Variants in SEMA3B observed in about 807,000 individuals in gnomAD.
SEMA3B encodes semaphorin-3B.
A neutral mutation model predicts 77.8 loss-of-function variants in SEMA3B; 71 were observed. That is an observed-to-expected ratio of 0.91 (90% CI 0.75 to 1.11). The LOEUF is 1.11. Among genes scored for constraint, SEMA3B ranks in the 50% most tolerant of loss-of-function variants. The pLI is 0.00. For missense variants in SEMA3B, 968 were observed against 1,056.8 expected, an observed-to-expected ratio of 0.92 and a Z score of 1.17; for synonymous variants, 470 against 452.9, an observed-to-expected ratio of 1.04 and a Z score of -0.48.
chr3:50,274,283 C>A lies in SEMA3B; in HGVS notation c.1138-80C>A. 1 of 1,264,974 alleles carries A rather than the reference C, an allele frequency of 7.9e-7. No homozygotes were observed. Among genetic ancestry groups the A allele is most frequent in the Non-Finnish European group, 1.1e-6 (1 of 916,516 alleles). 78.4% of individuals were successfully genotyped at this position (1,264,974 alleles called of 1,614,324 possible). On this transcript the variant is annotated intron_variant, in intron 10 of 16. Transcript: ENST00000616701. This position sits in a 1 kb window ranked among gnomAD's most constrained non-coding sequence, Gnocchi z 4.7. ...TCTGTCCCCATCCCCCTCCATGTTC[C>A]CAGAGGCTGGGCATGGAGGGCTGCC...
chr3:50,270,579 C>T lies in SEMA3B; in HGVS notation c.330+84C>T. 6.3e-7 allele frequency: 1 copy of T among 1,577,580 alleles called. No homozygotes were observed. The highest frequency in any genetic ancestry group is 1.1e-5 in the South Asian group (1 of 89,940). ...GGGCAGGGCTAAAACAGAGGCCTGCCTGTTCTGGCTGGGATGAGGGCAGGG... is the reference window on the plus strand; with the variant it reads ...GGGCAGGGCTAAAACAGAGGCCTGCTTGTTCTGGCTGGGATGAGGGCAGGG... On this transcript the variant is annotated intron_variant, in intron 3 of 16. Coordinates refer to ENST00000616701, the MANE Select transcript of SEMA3B (RefSeq NM_001290060.2). The surrounding 1 kb of genome is among the most constrained non-coding windows in gnomAD (Gnocchi z 4.7).
rs782090546 is a variant in SEMA3B at position 50,270,220 on chromosome 3, T to G, written c.203T>G (p.Phe68Cys). The change falls in exon 2 of 17, where the codon TTT (phenylalanine) becomes TGT (cysteine). Residue 68 changes from phenylalanine to cysteine, a missense_variant. Phe to Cys is a radical substitution (Grantham distance 205, BLOSUM62 -2). Transcript: ENST00000616701. The surrounding 1 kb of genome is among the most constrained non-coding windows in gnomAD (Gnocchi z 4.7). Reference sequence around the variant, plus strand: ...GTGGATGAGGAGCGTGGACGCCTGTTTGTGGGTGCCGAGAACCATGTGGCC... The same window carrying G: ...GTGGATGAGGAGCGTGGACGCCTGTGTGTGGGTGCCGAGAACCATGTGGCC... ...LLVDEERGRLFVGAENHVASL... is the reference protein window; with the variant it reads ...LLVDEERGRLCVGAENHVASL... 6.2e-7 allele frequency: 1 copy of G among 1,611,692 alleles called. No homozygotes were observed. The highest frequency in any genetic ancestry group is 8.5e-7 in the Non-Finnish European group (1 of 1,179,244).
At position 50,274,903 on chromosome 3, in the gene SEMA3B, GGCTGCTCCTGGAGGA is replaced by G. The variant is rs782054411; in HGVS notation, c.1424_1438del (p.Leu475_Leu479del). 2.5e-6 allele frequency: 4 copies of G among 1,610,742 alleles called. No individual in the cohort carries two copies. The highest frequency in any genetic ancestry group is 4.4e-4 in the Middle Eastern group (2 of 4,504). On this transcript the variant is annotated inframe_deletion, in exon 12 of 17. Coordinates refer to ENST00000616701, the MANE Select transcript of SEMA3B (RefSeq NM_001290060.2). This position sits in a 1 kb window ranked among gnomAD's most constrained non-coding sequence, Gnocchi z 4.7. ...AAGGGCAGTAGGCCCAGCGCAGAGG[GGCTGCTCCTGGAGGA>G]GCTGCACGTGTTTGAGGTGAGGCCT...
rs67628566 is a variant in SEMA3B at position 50,276,091 on chromosome 3, CA to C, written c.1846-210del. 1.3e-3 allele frequency: 993 copies of C among 779,860 alleles called. 6 individuals carry two copies. The highest frequency in any genetic ancestry group is 9.6e-3 in the African/African-American group (541 of 56,278). The allele number at this position is 779,860 out of a possible 1,614,324, so 48.3% of individuals were successfully genotyped here. On this transcript the variant is annotated intron_variant, in intron 16 of 16. Coordinates refer to ENST00000616701, the MANE Select transcript of SEMA3B (RefSeq NM_001290060.2). The surrounding 1 kb of genome is among the most constrained non-coding windows in gnomAD (Gnocchi z 5.8). The stretch of plus-strand genomic sequence containing the variant: ...CCCATTAAGGTCCCTGACCACCCCC[CA>C]CCAAGTTCATGTAAACCCCGCCTCT...
chr3:50,270,898 C>T lies in SEMA3B; in HGVS notation c.339C>T (p.Cys113=). The T allele has an allele frequency of 6.2e-7, 1 of 1,605,428 alleles. No individual in the cohort carries two copies. The highest frequency in any genetic ancestry group is 1.7e-4 in the Middle Eastern group (1 of 6,058). The part of the protein sequence containing the change: ...NWAGKDIGTE[C]MNFVKLLHAY... ...ACCTCCAACCCTACTAGACTGAGTG[C>T]ATGAACTTCGTGAAGTTGCTGCATG... is the stretch of plus-strand genomic sequence containing the variant. Residue 113 remains cysteine, a synonymous_variant, in exon 4 of 17, where the codon TGC becomes TGT. Coordinates refer to ENST00000616701, the MANE Select transcript of SEMA3B (RefSeq NM_001290060.2). This position sits in a 1 kb window ranked among gnomAD's most constrained non-coding sequence, Gnocchi z 4.7.
In SEMA3B at chr3:50,275,180, G is replaced by A. The variant is rs1248859318; in HGVS notation, c.1492-122G>A. On this transcript the variant is annotated intron_variant, in intron 13 of 16. Coordinates refer to ENST00000616701, the MANE Select transcript of SEMA3B (RefSeq NM_001290060.2). This position sits in a 1 kb window ranked among gnomAD's most constrained non-coding sequence, Gnocchi z 7.5. The stretch of plus-strand genomic sequence containing the variant: ...GTACAGGCTCTGGCTTTGTTAGACT[G>A]TGTGACCTGAGGCGTAAGACCTCAG... The A allele has an allele frequency of 2.3e-5, 34 of 1,460,212 alleles. No homozygotes were observed. Among genetic ancestry groups the A allele is most frequent in the Non-Finnish European group, 3.1e-5 (34 of 1,099,770 alleles). 90.5% of individuals were successfully genotyped at this position (1,460,212 alleles called of 1,614,324 possible). A position where few individuals can be genotyped will look rare whatever the true frequency, so the allele number is the denominator to read the frequency against.
In SEMA3B at chr3:50,273,708, C is replaced by A; in HGVS notation, c.923-51C>A. ...GCAGCGGCGCAGACTCCGGGAGCCC[C>A]CGCCGCAGCGGGGCTGTGCGCCCTA... On this transcript the variant is annotated intron_variant, in intron 8 of 16. Transcript: ENST00000616701. This position sits in a 1 kb window ranked among gnomAD's most constrained non-coding sequence, Gnocchi z 6.5. 6.2e-7 allele frequency: 1 copy of A among 1,602,978 alleles called. No individual in the cohort carries two copies. The highest frequency in any genetic ancestry group is 8.5e-7 in the Non-Finnish European group (1 of 1,178,074).
chr3:50,269,028 G>A (rs587686951), upstream of SEMA3B: 4 of 584,102 alleles, frequency 6.8e-6, no homozygotes, highest in East Asian at 8.8e-5. The surrounding 1 kb of genome is among the most constrained non-coding windows in gnomAD (Gnocchi z 4.0). Context: ...GCCAGGCGGG[G>A]CACCCTCGGA....
upstream of SEMA3B, chr3:50,262,598 A>G (rs1258189443): frequency 6.6e-6 from 1 of 152,272 alleles, no homozygotes; most frequent in Non-Finnish European, 1.5e-5. Flanking sequence ...GCCCTCAGTC[A>G]CACGGTGATG....
Position 50,274,651 on chromosome 3 carries a change from C to T in SEMA3B, c.1357+69C>T. ...CTGTGGGCTGCTGATGGAAGCTCTC[C>T]CTGTTCAGTCCCATCTCCACATCCT... On this transcript the variant is annotated intron_variant, in intron 11 of 16. Transcript: ENST00000616701. This position sits in a 1 kb window ranked among gnomAD's most constrained non-coding sequence, Gnocchi z 4.7. 3 of 1,484,320 alleles carry T rather than the reference C, an allele frequency of 2.0e-6. No individual in the cohort carries two copies. The highest frequency in any genetic ancestry group is 1.8e-6 in the Non-Finnish European group (2 of 1,098,750). 91.9% of individuals were successfully genotyped at this position (1,484,320 alleles called of 1,614,324 possible). A position where few individuals can be genotyped will look rare whatever the true frequency, so the allele number is the denominator to read the frequency against.
intron 6 of SEMA3B, among the ~76,000 whole-genome samples, chr3:50,272,855 A>AATAATAATAATAAT (rs375252497): frequency 3.4e-5 from 5 of 145,576 alleles, no homozygotes; most frequent in African/African-American, 5.1e-5. Context: ...ATAAATAAAC[A>AATAATAATAATAAT]AATAATAATA....
Position 50,273,362 on chromosome 3 carries a change from C to T in SEMA3B, c.729C>T (p.Tyr243=). The change falls in exon 7 of 17, where the codon TAC becomes TAT. Residue 243 remains tyrosine, a synonymous_variant. Coordinates refer to ENST00000616701, the MANE Select transcript of SEMA3B (RefSeq NM_001290060.2). This position sits in a 1 kb window ranked among gnomAD's most constrained non-coding sequence, Gnocchi z 6.5. ...AGAACCCAGACGACGACAAAATCTA[C>T]TTCTTCTTTCGTGAGACGGCGGTAG... The part of the protein sequence containing the change: ...ESENPDDDKI[Y]FFFRETAVEA... 6.2e-7 allele frequency: 1 copy of T among 1,613,902 alleles called. No homozygotes were observed. The highest frequency in any genetic ancestry group is 8.5e-7 in the Non-Finnish European group (1 of 1,179,824).
In SEMA3B at chr3:50,274,062, G is replaced by T. The variant is rs782111181; in HGVS notation, c.1137+5G>T. 2 of 1,612,734 alleles carry T rather than the reference G, an allele frequency of 1.2e-6. No individual in the cohort carries two copies. The highest frequency in any genetic ancestry group is 1.7e-6 in the Non-Finnish European group (2 of 1,179,520). Reference sequence around the variant, plus strand: ...CCCTACCCGCGGCCAGGCATGGTTCGTAGCCCAGGGACTTCTGCTACAACC... The same window carrying T: ...CCCTACCCGCGGCCAGGCATGGTTCTTAGCCCAGGGACTTCTGCTACAACC... On this transcript the variant is annotated splice_donor_5th_base_variant and intron_variant, in intron 10 of 16. Coordinates refer to ENST00000616701, the MANE Select transcript of SEMA3B (RefSeq NM_001290060.2). The surrounding 1 kb of genome is among the most constrained non-coding windows in gnomAD (Gnocchi z 4.7).
In SEMA3B at chr3:50,270,423, C is replaced by T. The variant is rs587754513; in HGVS notation, c.268-10C>T. The stretch of plus-strand genomic sequence containing the variant: ...TGACCTGTGTCCCCTCTCCCCCAAC[C>T]TCCCGATAGCTGGCCTGGCCGGCCC... On this transcript the variant is annotated splice_polypyrimidine_tract_variant and intron_variant, in intron 2 of 16. Coordinates refer to ENST00000616701, the MANE Select transcript of SEMA3B (RefSeq NM_001290060.2). The surrounding 1 kb of genome is among the most constrained non-coding windows in gnomAD (Gnocchi z 4.7). The T allele has an allele frequency of 9.3e-6, 15 of 1,613,778 alleles. No homozygotes were observed. In the African/African-American group the frequency reaches 1.9e-4, roughly 20 times the overall value.
chr3:50,274,530 G>C lies in SEMA3B; in HGVS notation c.1305G>C (p.Ala435=), dbSNP rs782139599. The C allele has an allele frequency of 1.9e-6, 3 of 1,569,864 alleles. No individual in the cohort carries two copies. The highest frequency in any genetic ancestry group is 3.8e-5 in the Admixed American group (2 of 53,014). Reference sequence around the variant, plus strand: ...ATTACACCTTCACTCAAATTGCCGCGGACCGGGTTGCAGCCGCTGACGGAC... The same window carrying C: ...ATTACACCTTCACTCAAATTGCCGCCGACCGGGTTGCAGCCGCTGACGGAC... ...GANYTFTQIA[A]DRVAAADGHY... is the part of the protein sequence containing the mutation. Residue 435 remains alanine (A), a synonymous_variant, in exon 11 of 17, where the codon GCG becomes GCC. Transcript: ENST00000616701. The surrounding 1 kb of genome is among the most constrained non-coding windows in gnomAD (Gnocchi z 4.7).
In SEMA3B at chr3:50,273,265, G is replaced by A. The variant is rs1559787908; in HGVS notation, c.665-33G>A. The A allele has an allele frequency of 1.9e-6, 3 of 1,602,586 alleles. No individual in the cohort carries two copies. The highest frequency in any genetic ancestry group is 2.6e-6 in the Non-Finnish European group (3 of 1,174,286). The stretch of plus-strand genomic sequence containing the variant: ...GTCTCGCATCAGGAGGCAAGGCCAG[G>A]ACCCGCTGACCCATGCCTCCTGCCG... On this transcript the variant is annotated intron_variant, in intron 6 of 16. Coordinates refer to ENST00000616701, the MANE Select transcript of SEMA3B (RefSeq NM_001290060.2). This position sits in a 1 kb window ranked among gnomAD's most constrained non-coding sequence, Gnocchi z 6.5.
rs1318671433 is a variant in SEMA3B, at chr3:50,276,094, C to G, written c.1846-208C>G. 1.0e-5 allele frequency: 8 copies of G among 766,828 alleles called. No individual in the cohort carries two copies. In the East Asian group the frequency reaches 2.1e-4, roughly 21 times the overall value. 47.5% of individuals were successfully genotyped at this position (766,828 alleles called of 1,614,324 possible). A position where few individuals can be genotyped will look rare whatever the true frequency, so the allele number is the denominator to read the frequency against. ...ATTAAGGTCCCTGACCACCCCCCAC[C>G]AAGTTCATGTAAACCCCGCCTCTTT... On this transcript the variant is annotated intron_variant, in intron 16 of 16. Coordinates refer to ENST00000616701, the MANE Select transcript of SEMA3B (RefSeq NM_001290060.2). This position sits in a 1 kb window ranked among gnomAD's most constrained non-coding sequence, Gnocchi z 5.8.
At chr3:50,263,620 G>C (rs587624398), upstream of SEMA3B, among the ~76,000 whole-genome samples, 4 of 152,098 alleles carry the variant, frequency 2.6e-5, no homozygotes, top group South Asian at 6.2e-4. Context: ...CAGGGACACG[G>C]TCCTGCAGAG....
In SEMA3B at chr3:50,269,281, C is replaced by T; in HGVS notation, c.41C>T (p.Ala14Val). ...AGAAAVIPGL[A>V]LLWAVGLGSA... ...GCTGCCGCCGTGATCCCGGGCCTGGCCCTGCTCTGGGCAGTGGGGCTGGGG... is the reference window on the plus strand; with the variant it reads ...GCTGCCGCCGTGATCCCGGGCCTGGTCCTGCTCTGGGCAGTGGGGCTGGGG... The change falls in exon 1 of 17, where the codon GCC becomes GTC. Residue 14 changes from alanine to valine, a missense_variant. Coordinates refer to ENST00000616701, the MANE Select transcript of SEMA3B (RefSeq NM_001290060.2). The surrounding 1 kb of genome is among the most constrained non-coding windows in gnomAD (Gnocchi z 4.0). 1.3e-6 allele frequency: 2 copies of T among 1,538,686 alleles called. No homozygotes were observed.
Sources: gnomAD v4.1 joint callset for allele counts (sites outside exome capture counted in the v4.1 genomes callset) on GRCh38, gnomAD v4.1.1 for gene constraint, Gnocchi (gnomAD v3.1) non-coding constraint, MANE v1.5 for transcripts, NCBI Gene and HGNC (gene_info 2026-07-23, HGNC 2026-07-21) for gene names.